MAST4: variants seen among roughly 807,000 people sequenced by gnomAD.
MAST4 encodes microtubule-associated serine/threonine-protein kinase 4.
A neutral mutation model predicts 162.7 loss-of-function variants in MAST4; 89 were observed. The observed-to-expected ratio is 0.55, with a 90% confidence interval of 0.46 to 0.65. MAST4 has a LOEUF of 0.65. Ranked by LOEUF, MAST4 falls within the 30% of genes least tolerant of loss-of-function variation. The pLI is 0.00. For missense variants in MAST4, 3,153 were observed against 3,374.0 expected (o/e 0.93, Z 1.62); for synonymous variants, 1,479 against 1,361.1 (o/e 1.09, Z -1.91).
At position 67,049,027 on chromosome 5, in the gene MAST4, A is replaced by ATATATATATATACG. The variant is rs1561576278; in HGVS notation, c.675-5365_675-5364insCGTATATATATATA. On this transcript the variant is annotated intron_variant, in intron 4 of 28. Transcript: ENST00000403625. ...CACACACATATATATATATACGTAT[A>ATATATATATATACG]TATATATATATATACGTGTATATAT... Among the ~76,000 whole-genome samples, 13 of 84,024 alleles carry ATATATATATATACG rather than the reference A, an allele frequency of 1.5e-4. 1 individual carries two copies. Among genetic ancestry groups the ATATATATATATACG allele is most frequent in the African/African-American group, 5.3e-4 (11 of 20,934 alleles). The allele number at this position is 84,024 out of a possible 152,430, so 55.1% of individuals were successfully genotyped here.
At chr5:67,149,228 A>G (rs1226789571) in intron 23 of MAST4, among the ~76,000 whole-genome samples, 161 bp from the exon 24 acceptor site, 1 of 152,112 alleles carries the variant, frequency 6.6e-6, no homozygotes, top group Non-Finnish European at 1.5e-5. Flanking sequence ...TCTCAAAGCA[A>G]TCACATGTTG....
chr5:66,879,856 C>A (rs1211703117), intron 3 of MAST4, among the ~76,000 whole-genome samples: 1 of 152,158 alleles, frequency 6.6e-6, no homozygotes, highest in African/African-American at 2.4e-5. Flanking sequence ...TAGGTTAGAA[C>A]AACTTCTGCA....
Position 66,759,797 on chromosome 5 carries a change from A to G in MAST4, c.452A>G (p.Tyr151Cys), listed in dbSNP as rs755457682. The G allele has an allele frequency of 6.2e-7, 1 of 1,613,882 alleles. No homozygotes were observed. Among genetic ancestry groups the G allele is most frequent in the Admixed American group, 1.7e-5 (1 of 60,010 alleles). ...VASGPGKSLKYKRQLSEDGRQ... is the reference protein window; with the variant it reads ...VASGPGKSLKCKRQLSEDGRQ... ...TCTGGCCCTGGAAAATCACTGAAGT[A>G]TAAAAGACAGCTGAGTGAGGATGGA... Residue 151 changes from tyrosine (Y) to cysteine (C), a missense_variant, in exon 2 of 29, where the codon TAT (tyrosine) becomes TGT (cysteine). Transcript: ENST00000403625.
chr5:66,833,655 A>G (rs887090278), intron 3 of MAST4, among the ~76,000 whole-genome samples: 1 of 152,180 alleles, frequency 6.6e-6, no homozygotes, highest in Non-Finnish European at 1.5e-5. Flanking sequence ...TTTTGCACAC[A>G]TTCTTCTGCT....
At chr5:66,861,404 A>C (rs1482907491) in intron 3 of MAST4, among the ~76,000 whole-genome samples, 1 of 152,198 alleles carries the variant, frequency 6.6e-6, no homozygotes, top group Non-Finnish European at 1.5e-5. Flanking sequence ...TGAATATGGC[A>C]TAGGCATATC....
At chr5:66,979,566 T>G (rs575026168) in intron 4 of MAST4, among the ~76,000 whole-genome samples, 13 of 152,190 alleles carry the variant, frequency 8.5e-5, no homozygotes, top group Non-Finnish European at 1.9e-4. Flanking sequence ...TAGAGAATGA[T>G]CCTTGGTTGT....
At chr5:67,139,296 C>T (rs545061690) in intron 19 of MAST4, among the ~76,000 whole-genome samples, 2 of 152,214 alleles carry the variant, frequency 1.3e-5, no homozygotes, top group Admixed American at 1.3e-4. Context: ...CACATTTGCC[C>T]AAGAGATTAG....
At chr5:66,964,750 C>T (rs1315441737) in intron 4 of MAST4, among the ~76,000 whole-genome samples, 2 of 152,216 alleles carry the variant, frequency 1.3e-5, no homozygotes, top group African/African-American at 4.8e-5. Context: ...TTGCAGTGAG[C>T]TGAGATCTGG....
chr5:66,924,209 A>G (rs1764725890), intron 4 of MAST4, among the ~76,000 whole-genome samples: 1 of 152,120 alleles, frequency 6.6e-6, no homozygotes. Flanking sequence ...GAGTTTGTAC[A>G]TTTTGACCTT....
At position 66,802,484 on chromosome 5, in the gene MAST4, T is replaced by C. The variant is rs535777748; in HGVS notation, c.642+13690T>C. On this transcript the variant is annotated intron_variant, in intron 3 of 28. Transcript: ENST00000403625. ...CAGTTCTTAAAAAAACTATAGCATTTCTATCGTTGACTTTAAATCTTTGTC... is the reference window on the plus strand; with the variant it reads ...CAGTTCTTAAAAAAACTATAGCATTCCTATCGTTGACTTTAAATCTTTGTC... 3.9e-5 allele frequency among the ~76,000 whole-genome samples: 6 copies of C among 152,330 alleles called. No individual in the cohort carries two copies. In the South Asian group the frequency reaches 1.2e-3, roughly 32 times the overall value.
chr5:66,743,143 A>T (rs1444780854), intron 1 of MAST4, among the ~76,000 whole-genome samples: 1 of 152,074 alleles, frequency 6.6e-6, no homozygotes, highest in African/African-American at 2.4e-5. Context: ...CACTCATATG[A>T]TAGAGCAGCC....
intron 4 of MAST4, among the ~76,000 whole-genome samples, chr5:67,051,185 G>T (rs1003272571): frequency 1.4e-4 from 17 of 121,774 alleles, no homozygotes; most frequent in African/African-American, 5.3e-4. Context: ...GACTTTGCTT[G>T]AAAAAAAAAA....
rs1391672962 is a variant in MAST4, at chr5:67,167,315, G to T, written c.*264G>T. 1 of 320,680 alleles carries T rather than the reference G, an allele frequency of 3.1e-6. No individual in the cohort carries two copies. The highest frequency in any genetic ancestry group is 2.2e-5 in the African/African-American group (1 of 45,728). 19.9% of individuals were successfully genotyped at this position (320,680 alleles called of 1,614,324 possible). On this transcript the variant is annotated 3_prime_UTR_variant, in exon 29 of 29. Transcript: ENST00000403625. Reference sequence around the variant, plus strand: ...AAAATTACCTTTACAGTTGAGGGTTGTTGAGGAAAATGATTTTCTTTGTAA... The same window carrying T: ...AAAATTACCTTTACAGTTGAGGGTTTTTGAGGAAAATGATTTTCTTTGTAA...
intron 3 of MAST4, among the ~76,000 whole-genome samples, chr5:66,879,599 C>G (rs1167220970): frequency 6.6e-6 from 1 of 152,180 alleles, no homozygotes; most frequent in African/African-American, 2.4e-5. Flanking sequence ...GTAGCCTTGA[C>G]CTCCCCAGGC....
At chr5:66,923,382 G>T (rs1448630776) in intron 4 of MAST4, among the ~76,000 whole-genome samples, 1 of 152,188 alleles carries the variant, frequency 6.6e-6, no homozygotes, top group African/African-American at 2.4e-5. Flanking sequence ...CCATCTTCAA[G>T]GGTCAGCCGA....
intron 1 of MAST4, among the ~76,000 whole-genome samples, chr5:66,608,068 T>G (rs28369273): frequency 0.35 from 28,783 of 82,818 alleles, 3,260 homozygotes; most frequent in African/African-American, 0.51. Context: ...TTTTTTTTTG[T>G]TTTTTTTTTT....
intron 9 of MAST4, 69 bp downstream of exon 9, chr5:67,102,680 T>C (rs1765158525): frequency 3.1e-6 from 4 of 1,311,050 alleles, no homozygotes; most frequent in Non-Finnish European, 4.4e-6. Context: ...GTCTGTAAGG[T>C]TGTTTTGTTA....
At chr5:66,825,933 G>C (rs1757232102) in intron 3 of MAST4, among the ~76,000 whole-genome samples, 1 of 152,082 alleles carries the variant, frequency 6.6e-6, no homozygotes, top group South Asian at 2.1e-4. Flanking sequence ...AAAATCACAG[G>C]AAAAATGAGT....
At chr5:67,061,640 G>A (rs1458430040) in intron 5 of MAST4, among the ~76,000 whole-genome samples, 1 of 151,664 alleles carries the variant, frequency 6.6e-6, no homozygotes, top group Non-Finnish European at 1.5e-5. Context: ...GTTGTACAGA[G>A]TTTTGCTTTT....
Sources: allele counts gnomAD v4.1 joint callset (sites outside exome capture counted in the v4.1 genomes callset), GRCh38; gene constraint gnomAD v4.1.1; transcripts MANE v1.5; gene names NCBI Gene and HGNC (gene_info 2026-07-23, HGNC 2026-07-21).